The following GPD1L variants were observed in gnomAD, a reference collection of about 807,000 sequenced individuals.
The protein encoded by GPD1L is glycerol-3-phosphate dehydrogenase 1 like.
A neutral mutation model predicts 32.9 loss-of-function variants in GPD1L; 17 were observed. The observed-to-expected ratio is 0.52, with a 90% CI of 0.35 to 0.78. The LOEUF (loss-of-function observed/expected upper bound fraction) is 0.78, where lower values mean the gene tolerates loss of function less well. Ranked by LOEUF, GPD1L falls within the 30% of genes least tolerant of loss-of-function variation. GPD1L has a pLI of 0.01. For missense variants in GPD1L, 361 were observed against 447.8 expected (o/e 0.81, Z 1.75); for synonymous variants, 187 against 165.9 (o/e 1.13, Z -0.98).
intron 5 of GPD1L, among the ~76,000 whole-genome samples, chr3:32,157,778 A>G (rs1701015331): frequency 1.3e-5 from 2 of 152,200 alleles, no homozygotes. Flanking sequence ...GTGTAAATGA[A>G]TGGGTATGGC....
intron 5 of GPD1L, among the ~76,000 whole-genome samples, chr3:32,153,581 C>T (rs566872340): frequency 6.6e-6 from 1 of 152,328 alleles, no homozygotes; most frequent in Non-Finnish European, 1.5e-5. Flanking sequence ...AGACAGGGGC[C>T]AGCAGCAAAC....
At chr3:32,149,904 G>A (rs548951763) in intron 5 of GPD1L, among the ~76,000 whole-genome samples, 2 of 151,090 alleles carry the variant, frequency 1.3e-5, no homozygotes, top group African/African-American at 2.4e-5. Context: ...AGCCAAGATC[G>A]TGCCACTGCA....
At chr3:32,153,774 G>A (rs1700951884) in intron 5 of GPD1L, among the ~76,000 whole-genome samples, 3 of 152,168 alleles carry the variant, frequency 2.0e-5, no homozygotes, top group Non-Finnish European at 2.9e-5. Context: ...AGGTAGCATG[G>A]GCTGGTTCTC....
In GPD1L at chr3:32,166,180, T is replaced by C. The variant is rs917372421; in HGVS notation, c.*270T>C. ...TGAGCCAAAATTTGATGTCTTTTTTTCAAAATTGCTTATGAAATTTCCACA... is the reference window on the plus strand; with the variant it reads ...TGAGCCAAAATTTGATGTCTTTTTTCCAAAATTGCTTATGAAATTTCCACA... On this transcript the variant is annotated 3_prime_UTR_variant, in exon 8 of 8. Transcript: ENST00000282541. 4.1e-6 allele frequency: 2 copies of C among 489,560 alleles called. No homozygotes were observed. The highest frequency in any genetic ancestry group is 1.9e-5 in the African/African-American group (1 of 51,612). The allele number at this position is 489,560 out of a possible 1,614,324, so 30.3% of individuals were successfully genotyped here.
At chr3:32,115,026 A>G (rs1700306828) in intron 1 of GPD1L, among the ~76,000 whole-genome samples, 1 of 152,228 alleles carries the variant, frequency 6.6e-6, no homozygotes, top group African/African-American at 2.4e-5. Flanking sequence ...GAAAGAACAA[A>G]GCATCCACGG....
chr3:32,159,108 A>G lies in GPD1L; in HGVS notation c.851A>G (p.Lys284Arg), dbSNP rs1701040871. The stretch of plus-strand genomic sequence containing the variant: ...GCCGAGGCCTTCGCCAGAACTGGGA[A>G]GGTAGCCCCTCACCTGCTCTCCCGC... The part of the protein sequence containing the change: ...RVAEAFARTG[K>R]TIEELEKEML... Residue 284 changes from lysine to arginine, a missense_variant and splice_region_variant, in exon 6 of 8, where the codon AAG becomes AGG. Physicochemically the swap from Lys to Arg is conservative, Grantham distance 26. Coordinates refer to ENST00000282541, the MANE Select transcript of GPD1L (RefSeq NM_015141.4). 1.9e-6 allele frequency: 3 copies of G among 1,611,566 alleles called. No homozygotes were observed. Among genetic ancestry groups the G allele is most frequent in the Admixed American group, 1.7e-5 (1 of 60,006 alleles).
In GPD1L at chr3:32,151,420, C is replaced by T. The variant is rs751702078; in HGVS notation, c.618+4686C>T. ...GGGGCATTCCTTTTTGAACAGTGAC[C>T]ATTCCCCTGATGTCTACAATATCAT... On this transcript the variant is annotated intron_variant, in intron 5 of 7. Transcript: ENST00000282541. 57 of 637,410 alleles carry T rather than the reference C, an allele frequency of 8.9e-5. No individual in the cohort carries two copies. In the Middle Eastern group the frequency reaches 2.2e-3, roughly 25 times the overall value. The allele number at this position is 637,410 out of a possible 1,614,324, so 39.5% of individuals were successfully genotyped here.
chr3:32,165,920 T>C lies in GPD1L; in HGVS notation c.*10T>C, dbSNP rs1222799480. ...TCCAGAGCATACATAAAGTGAATCA[T>C]GCAACGTGTTGGGGGAAGTTCTGCC... is the stretch of plus-strand genomic sequence containing the variant. On this transcript the variant is annotated 3_prime_UTR_variant, in exon 8 of 8. Transcript: ENST00000282541. 1.4e-6 allele frequency: 2 copies of C among 1,436,212 alleles called. No individual in the cohort carries two copies. The highest frequency in any genetic ancestry group is 1.7e-5 in the Admixed American group (1 of 59,790). The allele number at this position is 1,436,212 out of a possible 1,614,324, so 89.0% of individuals were successfully genotyped here.
At position 32,167,111 on chromosome 3, in the gene GPD1L, A is replaced by G. The variant is rs972035703; in HGVS notation, c.*1201A>G. The stretch of plus-strand genomic sequence containing the variant: ...ACAATATGTGAACCACTACTTTAGA[A>G]AATCTGCTTTAACTTGGTATTCCTC... On this transcript the variant is annotated 3_prime_UTR_variant, in exon 8 of 8. Transcript: ENST00000282541. The G allele has an allele frequency of 1.3e-5, 2 of 152,174 alleles. No individual in the cohort carries two copies. Among genetic ancestry groups the G allele is most frequent in the Non-Finnish European group, 2.9e-5 (2 of 68,040 alleles). The allele number at this position is 152,174 out of a possible 1,614,324, so 9.4% of individuals were successfully genotyped here.
chr3:32,128,175 C>T lies in GPD1L; in HGVS notation c.147C>T (p.Gly49=). ...GGGTCTTTGAAGAAACAGTGAATGG[C>T]AGAAAACTGACAGACATCATAAATA... The part of the protein sequence containing the change: ...KMWVFEETVN[G]RKLTDIINND... Residue 49 remains glycine (G), a synonymous_variant, in exon 2 of 8, where the codon GGC becomes GGT. Coordinates refer to ENST00000282541, the MANE Select transcript of GPD1L (RefSeq NM_015141.4). The T allele has an allele frequency of 6.2e-7, 1 of 1,611,976 alleles. No individual in the cohort carries two copies. The highest frequency in any genetic ancestry group is 8.5e-7 in the Non-Finnish European group (1 of 1,178,090).
At chr3:32,150,294 A>G (rs1379557427) in intron 5 of GPD1L, among the ~76,000 whole-genome samples, 8 of 152,256 alleles carry the variant, frequency 5.3e-5, no homozygotes, top group African/African-American at 1.9e-4. Context: ...TCATATAGAA[A>G]AGTACAAAAA....
chr3:32,165,698 CTG>C (rs1701136911), intron 7 of GPD1L, 114 bp from the exon 8 acceptor site: 1 of 719,792 alleles, frequency 1.4e-6, no homozygotes, highest in Admixed American at 2.0e-5. Flanking sequence ...AAAGTGCTCA[CTG>C]TGTTTTCCAT....
At chr3:32,163,372 G>A (rs1355299603) in intron 7 of GPD1L, among the ~76,000 whole-genome samples, 4 of 151,868 alleles carry the variant, frequency 2.6e-5, no homozygotes, top group South Asian at 2.1e-4. Context: ...GTTTCACTGT[G>A]TTAGCCAAGA....
At chr3:32,108,262 G>A (rs1207792342) in intron 1 of GPD1L, among the ~76,000 whole-genome samples, 1 of 152,172 alleles carries the variant, frequency 6.6e-6, no homozygotes. Flanking sequence ...GCTCACGCTT[G>A]TAATCCCAGC....
At chr3:32,144,797 T>C (rs1156344372) in intron 4 of GPD1L, among the ~76,000 whole-genome samples, 2 of 150,506 alleles carry the variant, frequency 1.3e-5, no homozygotes, top group South Asian at 2.1e-4. Context: ...ATGATTCTAA[T>C]GCCTCAGCCT....
chr3:32,109,091 C>T lies in GPD1L; in HGVS notation c.47+2333C>T, dbSNP rs181002131. Among the ~76,000 whole-genome samples the T allele has an allele frequency of 5.6e-4, 85 of 152,276 alleles. 1 individual carries two copies. The highest frequency in any genetic ancestry group is 3.4e-3 in the Middle Eastern group (1 of 294). Reference sequence around the variant, plus strand: ...GTCTCAATCTCCTGACCTCATGATCCGCCTGCCTCTTCCTCCCAAAGTGCT... The same window carrying T: ...GTCTCAATCTCCTGACCTCATGATCTGCCTGCCTCTTCCTCCCAAAGTGCT... On this transcript the variant is annotated intron_variant, in intron 1 of 7. Coordinates refer to ENST00000282541, the MANE Select transcript of GPD1L (RefSeq NM_015141.4).
intron 1 of GPD1L, among the ~76,000 whole-genome samples, chr3:32,127,538 A>G (rs1700527326): frequency 6.6e-6 from 1 of 152,224 alleles, no homozygotes; most frequent in Admixed American, 6.5e-5. Context: ...AGAGATGCAG[A>G]GAAAAGGGAG....
chr3:32,116,859 A>T (rs1052214464), intron 1 of GPD1L, among the ~76,000 whole-genome samples: 1 of 152,176 alleles, frequency 6.6e-6, no homozygotes, highest in African/African-American at 2.4e-5. Context: ...GTTAATCCTC[A>T]CAGTATGAGG....
At chr3:32,132,827 C>T (rs1339717932) in intron 2 of GPD1L, among the ~76,000 whole-genome samples, 1 of 152,138 alleles carries the variant, frequency 6.6e-6, no homozygotes, top group East Asian at 1.9e-4. Flanking sequence ...ACTGGGGAAT[C>T]CAGGCGATGG....
Sources: gnomAD v4.1 joint callset for allele counts (sites outside exome capture counted in the v4.1 genomes callset) on GRCh38, gnomAD v4.1.1 for gene constraint, MANE v1.5 for transcripts, NCBI Gene and HGNC (gene_info 2026-07-23, HGNC 2026-07-21) for gene names.